Variants in CDH4 observed in about 807,000 individuals in gnomAD.
The protein encoded by CDH4 is cadherin-4.
In CDH4, 33 loss-of-function variants were observed where a neutral mutation model predicts 86.0. The ratio of observed to expected loss-of-function variants is 0.38; its 90% CI spans 0.29 to 0.51. The LOEUF is 0.51. Among genes scored for constraint, CDH4 ranks in the 20% least tolerant of loss-of-function variants. The pLI is 0.86. For synonymous variants in CDH4, 555 were observed against 549.4 expected (o/e 1.01, Z -0.14); for missense variants, 1,114 against 1,307.4 (o/e 0.85, Z 2.28).
At chr20:61,262,726 G>A (rs1378143777) in intron 2 of CDH4, among the ~76,000 whole-genome samples, 2 of 151,956 alleles carry the variant, frequency 1.3e-5, no homozygotes, top group African/African-American at 4.8e-5. Context: ...GTGGATAAAG[G>A]AAAGGGCTTT....
intron 2 of CDH4, among the ~76,000 whole-genome samples, chr20:61,687,066 G>A (rs1286292276): frequency 1.3e-5 from 2 of 152,110 alleles, no homozygotes; most frequent in African/African-American, 4.8e-5. Context: ...TTCCAAGGAC[G>A]GTGGCAGGTG....
intron 4 of CDH4, among the ~76,000 whole-genome samples, chr20:61,783,525 T>C (rs6142861): frequency 0.5 from 65,120 of 129,514 alleles, 16,425 homozygotes; most frequent in East Asian, 0.75. Context: ...TTCCTTGGGA[T>C]AGTTCTCAAG....
chr20:61,821,310 C>G (rs1236653270), intron 4 of CDH4, among the ~76,000 whole-genome samples: 1 of 139,966 alleles, frequency 7.1e-6, no homozygotes, highest in Admixed American at 7.1e-5. Flanking sequence ...CCAGTCAGTC[C>G]CCTCTCACTC....
intron 7 of CDH4, among the ~76,000 whole-genome samples, chr20:61,877,287 C>T (rs528114273): frequency 6.6e-6 from 1 of 152,286 alleles, no homozygotes; most frequent in African/African-American, 2.4e-5. Context: ...GGACCCCCTG[C>T]CCAGGCCAGA....
In CDH4 at chr20:61,873,748, A is replaced by G; in HGVS notation, c.898A>G (p.Thr300Ala). Residue 300 changes from threonine to alanine, a missense_variant, in exon 7 of 16, where the codon ACG (threonine) becomes GCG (alanine). Transcript: ENST00000614565. ...TCCAGGCACCTACGTGATGACCGTC[A>G]CGGCCAACGATGCTGACGACAGCAC... ...SKPGTYVMTVTANDADDSTTA... is the reference protein window; with the variant it reads ...SKPGTYVMTVAANDADDSTTA... The G allele has an allele frequency of 1.2e-6, 2 of 1,613,642 alleles. No individual in the cohort carries two copies. The highest frequency in any genetic ancestry group is 8.5e-7 in the Non-Finnish European group (1 of 1,180,016).
At chr20:61,391,253 A>G (rs1371280448) in intron 2 of CDH4, among the ~76,000 whole-genome samples, 1 of 152,064 alleles carries the variant, frequency 6.6e-6, no homozygotes, top group Non-Finnish European at 1.5e-5. Flanking sequence ...AATTAGTGCC[A>G]TTTAGGGAGA....
At position 61,735,602 on chromosome 20, in the gene CDH4, G is replaced by A. The variant is rs374333190; in HGVS notation, c.170-7961G>A. 5.3e-3 allele frequency among the ~76,000 whole-genome samples: 814 copies of A among 152,300 alleles called. 14 individuals carry two copies. The highest frequency in any genetic ancestry group is 5.0e-3 in the Non-Finnish European group (337 of 68,032). On this transcript the variant is annotated intron_variant, in intron 2 of 15. Transcript: ENST00000614565. The stretch of plus-strand genomic sequence containing the variant: ...TCTGCCTCCCGGCCAGCGCCTTCGG[G>A]GCCACTGCGGGGACTGAGGCCACAT...
At chr20:61,586,132 T>G (rs1041210377) in intron 2 of CDH4, among the ~76,000 whole-genome samples, 15 of 151,878 alleles carry the variant, frequency 9.9e-5, no homozygotes, top group Admixed American at 4.6e-4. Context: ...GGGAGGATGA[T>G]GGTCATGACG....
chr20:61,453,862 G>A (rs1041563953), intron 2 of CDH4, among the ~76,000 whole-genome samples: 2 of 152,162 alleles, frequency 1.3e-5, no homozygotes, highest in African/African-American at 4.8e-5. Flanking sequence ...CCCTCATGCT[G>A]TTCTCCTGAT....
Position 61,603,065 on chromosome 20 carries a change from C to T in CDH4, c.170-140498C>T, listed in dbSNP as rs187679564. On this transcript the variant is annotated intron_variant, in intron 2 of 15. Coordinates refer to ENST00000614565, the MANE Select transcript of CDH4 (RefSeq NM_001794.5). ...AGGCACTAAGGATACACGTTGGGAG[C>T]GCCATGGCCCCTGCCCTCAGAAGCT... is the stretch of plus-strand genomic sequence containing the variant. Among the ~76,000 whole-genome samples, 392 of 152,334 alleles carry T rather than the reference C, an allele frequency of 2.6e-3. 2 individuals carry two copies. Among genetic ancestry groups the T allele is most frequent in the Non-Finnish European group, 4.7e-3 (317 of 68,038 alleles).
Position 61,684,912 on chromosome 20 carries a change from C to T in CDH4, c.170-58651C>T, listed in dbSNP as rs965252938. Among the ~76,000 whole-genome samples the T allele has an allele frequency of 2.0e-5, 3 of 151,344 alleles. No homozygotes were observed. The highest frequency in any genetic ancestry group is 1.9e-4 in the East Asian group (1 of 5,192). On this transcript the variant is annotated intron_variant, in intron 2 of 15. Transcript: ENST00000614565. This position sits in a 1 kb window ranked among gnomAD's most constrained non-coding sequence, Gnocchi z 4.5. Reference sequence around the variant, plus strand: ...ACGTTATTAAGATATAAAAACTTACCGTGAAATTCCCCTGTTTAAAGTGTA... The same window carrying T: ...ACGTTATTAAGATATAAAAACTTACTGTGAAATTCCCCTGTTTAAAGTGTA...
intron 2 of CDH4, among the ~76,000 whole-genome samples, chr20:61,445,774 A>G (rs1276468772): frequency 6.6e-6 from 1 of 152,220 alleles, no homozygotes; most frequent in Non-Finnish European, 1.5e-5. Flanking sequence ...GACTTGCGAG[A>G]CCTTTCCCAG....
intron 2 of CDH4, among the ~76,000 whole-genome samples, chr20:61,726,831 C>T (rs117353271): frequency 2.7e-4 from 4 of 14,798 alleles, no homozygotes; most frequent in South Asian, 7.4e-3. Flanking sequence ...TCATCACCAT[C>T]ACTGCCATCA....
intron 2 of CDH4, among the ~76,000 whole-genome samples, chr20:61,737,160 T>G (rs1244232193): frequency 6.6e-6 from 1 of 152,136 alleles, no homozygotes; most frequent in Admixed American, 6.5e-5. Flanking sequence ...TGCCTGGCAT[T>G]TGGTCATATT....
At chr20:61,590,543 C>T (rs781724618) in intron 2 of CDH4, among the ~76,000 whole-genome samples, 3 of 152,212 alleles carry the variant, frequency 2.0e-5, no homozygotes, top group Non-Finnish European at 4.4e-5. Flanking sequence ...CTGCGTGCTG[C>T]AGTCCGGAAC....
chr20:61,609,803 C>T (rs780786606), intron 2 of CDH4, among the ~76,000 whole-genome samples: 1 of 152,248 alleles, frequency 6.6e-6, no homozygotes, highest in Non-Finnish European at 1.5e-5. Flanking sequence ...GAATTCTCCA[C>T]TCACATCCTT....
rs1437925611 is a variant in CDH4 at position 61,383,806 on chromosome 20, TGAA to T, written c.169+128872_169+128874del. 6.2e-3 allele frequency among the ~76,000 whole-genome samples: 783 copies of T among 126,264 alleles called. 23 individuals carry two copies. The highest frequency in any genetic ancestry group is 0.024 in the African/African-American group (750 of 31,058). The allele number at this position is 126,264 out of a possible 152,430, so 82.8% of individuals were successfully genotyped here. On this transcript the variant is annotated intron_variant, in intron 2 of 15. Coordinates refer to ENST00000614565, the MANE Select transcript of CDH4 (RefSeq NM_001794.5). ...ATATGAAGATATATATGCATATATA[TGAA>T]GATATATATGCGTATATATGAAGAT...
intron 2 of CDH4, among the ~76,000 whole-genome samples, chr20:61,665,661 C>G (rs989075867): frequency 7.2e-5 from 11 of 152,216 alleles, no homozygotes; most frequent in African/African-American, 2.4e-4. Context: ...GTGCTCCCGG[C>G]AGGCTCATGT....
At chr20:61,838,399 A>G (rs1219411662) in intron 4 of CDH4, among the ~76,000 whole-genome samples, 1 of 152,108 alleles carries the variant, frequency 6.6e-6, no homozygotes, top group African/African-American at 2.4e-5. Flanking sequence ...TGTTGTTGGC[A>G]AGAAAACCAA....
Sources: gnomAD v4.1 joint callset for allele counts (sites outside exome capture counted in the v4.1 genomes callset) on GRCh38, gnomAD v4.1.1 for gene constraint, Gnocchi (gnomAD v3.1) non-coding constraint, MANE v1.5 for transcripts, NCBI Gene and HGNC (gene_info 2026-07-23, HGNC 2026-07-21) for gene names.